KANK3: variants seen among roughly 807,000 people sequenced by gnomAD.
KANK3 encodes KN motif and ankyrin repeat domains 3.
In KANK3, 61 loss-of-function variants were observed where a neutral mutation model predicts 65.4. That is an observed-to-expected ratio of 0.93 (90% CI 0.76 to 1.15). The LOEUF (loss-of-function observed/expected upper bound fraction) is 1.15, where lower values mean the gene tolerates loss of function less well. KANK3 is among the 50% of genes most tolerant of loss of function. KANK3 has a pLI of 0.00. For synonymous variants in KANK3, 586 were observed against 543.3 expected, an observed-to-expected ratio of 1.08 and a Z score of -1.09; for missense variants, 1,187 against 1,178.8, an observed-to-expected ratio of 1.01 and a Z score of -0.10.
At chr19:8,325,549 A>C (rs1473793917) in intron 7 of KANK3, among the ~76,000 whole-genome samples, 1 of 151,844 alleles carries the variant, frequency 6.6e-6, no homozygotes, top group African/African-American at 2.4e-5. Flanking sequence ...CTGGAATTAG[A>C]GGCATGAGCC....
chr19:8,332,906 G>A, intron 7 of KANK3, 108 bp downstream of exon 7: 1 of 781,706 alleles, frequency 1.3e-6, no homozygotes, highest in Non-Finnish European at 2.2e-6. Flanking sequence ...CCCTGTGCTG[G>A]ACAGCCATTC....
chr19:8,334,738 C>T lies in KANK3; in HGVS notation c.1089G>A (p.Glu363=). 2.0e-6 allele frequency: 3 copies of T among 1,529,340 alleles called. No individual in the cohort carries two copies. Among genetic ancestry groups the T allele is most frequent in the Non-Finnish European group, 2.6e-6 (3 of 1,145,056 alleles). The allele number at this position is 1,529,340 out of a possible 1,614,324, so 94.7% of individuals were successfully genotyped here. Residue 363 remains glutamate, a synonymous_variant, in exon 3 of 11, where the codon GAG becomes GAA. Transcript: ENST00000330915. The part of the protein sequence containing the change: ...RELELLRASL[E]HQRGVSELLR... ...GAAGCTCACTCACCCCGCGCTGGTG[C>T]TCCAGACTGGCGCGCAGCAGCTCTA...
In KANK3 at chr19:8,334,394, C is replaced by G; in HGVS notation, c.1353G>C (p.Lys451Asn). Residue 451 changes from lysine to asparagine, a missense_variant, in exon 4 of 11, where the codon AAG becomes AAC. Lys to Asn is a moderately conservative substitution (Grantham distance 94). Coordinates refer to ENST00000330915, the MANE Select transcript of KANK3 (RefSeq NM_198471.3). ...GTTGGGCACCAGGTGTGCCGTCTCTCTTCTTCATGATGGATTTGAGGATGC... is the reference window on the plus strand; with the variant it reads ...GTTGGGCACCAGGTGTGCCGTCTCTGTTCTTCATGATGGATTTGAGGATGC... ...PAGILKSIMK[K>N]RDGTPGAQPS... 1 of 1,614,080 alleles carries G rather than the reference C, an allele frequency of 6.2e-7. No individual in the cohort carries two copies. Among genetic ancestry groups the G allele is most frequent in the Non-Finnish European group, 8.5e-7 (1 of 1,180,016 alleles).
intron 7 of KANK3, among the ~76,000 whole-genome samples, chr19:8,330,229 G>A (rs2913951): frequency 0.7 from 106,331 of 152,006 alleles, 38,028 homozygotes; most frequent in African/African-American, 0.86. Context: ...GTTAGTGTAT[G>A]TGACAGCAAG....
chr19:8,322,703 C>A lies in KANK3; in HGVS notation c.*136G>T, dbSNP rs1970340086. The stretch of plus-strand genomic sequence containing the variant: ...GAGCCCCTTCCTGCCACAGTCACCC[C>A]AACTGAAATTGCCTTTCTCTTCGGC... On this transcript the variant is annotated 3_prime_UTR_variant, in exon 11 of 11. Transcript: ENST00000330915. The A allele has an allele frequency of 1.4e-5, 9 of 660,974 alleles. No individual in the cohort carries two copies. Among genetic ancestry groups the A allele is most frequent in the Non-Finnish European group, 2.6e-6 (1 of 382,960 alleles). 40.9% of individuals were successfully genotyped at this position (660,974 alleles called of 1,614,324 possible). A position where few individuals can be genotyped will look rare whatever the true frequency, so the allele number is the denominator to read the frequency against.
chr19:8,340,291 T>TATATATACACACACACAC (rs1472181365), intron 1 of KANK3, among the ~76,000 whole-genome samples: 4 of 92,870 alleles, frequency 4.3e-5, no homozygotes, highest in African/African-American at 1.8e-4. Context: ...TATATATATA[T>TATATATACACACACACAC]ACACACACAC....
At chr19:8,326,196 C>T (rs568034673) in intron 7 of KANK3, among the ~76,000 whole-genome samples, 3 of 151,138 alleles carry the variant, frequency 2.0e-5, no homozygotes, top group Admixed American at 6.6e-5. Context: ...TTTGAGAGGC[C>T]GAGGTGGTTG....
rs1317543104 is a variant in KANK3 at position 8,339,980 on chromosome 19, A to AAAAAG, written c.-28-2129_-28-2125dup. Among the ~76,000 whole-genome samples the AAAAAG allele has an allele frequency of 6.8e-3, 651 of 95,590 alleles. 8 individuals carry two copies. Among genetic ancestry groups the AAAAAG allele is most frequent in the Non-Finnish European group, 7.2e-3 (358 of 49,834 alleles). 62.7% of individuals were successfully genotyped at this position (95,590 alleles called of 152,430 possible). On this transcript the variant is annotated intron_variant, in intron 1 of 10. Transcript: ENST00000330915. ...CCTTGTCTCAAAAAAAAAAAAAAAA[A>AAAAAG]AAAAGAAAAGAAAAGAAAAGAAAAG...
rs1008563622 is a variant in KANK3 at position 8,334,820 on chromosome 19, G to A, written c.1007C>T (p.Ala336Val). 1.3e-6 allele frequency: 2 copies of A among 1,490,496 alleles called. No individual in the cohort carries two copies. The highest frequency in any genetic ancestry group is 1.5e-5 in the African/African-American group (1 of 68,084). The allele number at this position is 1,490,496 out of a possible 1,614,324, so 92.3% of individuals were successfully genotyped here. A position where few individuals can be genotyped will look rare whatever the true frequency, so the allele number is the denominator to read the frequency against. Residue 336 changes from alanine to valine, a missense_variant, in exon 3 of 11, where the codon GCG becomes GTG. By Grantham distance (64) the Ala-to-Val change is moderately conservative (BLOSUM62 0). Around this residue, in one of 3 missense-constraint regions of KANK3, gnomAD observed 1,078 missense variants for 1,038.2 expected, o/e 1.04. Transcript: ENST00000330915. ...GVEAAPETVE[A>V]DAWVTEALLG... ...CAGCGCCTCGGTCACCCACGCGTCC[G>A]CCTCCACGGTCTCGGGGGCAGCCTC...
intron 7 of KANK3, among the ~76,000 whole-genome samples, chr19:8,327,894 G>A (rs982671060): frequency 6.6e-6 from 1 of 152,190 alleles, no homozygotes; most frequent in African/African-American, 2.4e-5. Context: ...GAAATAACCA[G>A]AGTGGGGTCC....
intron 7 of KANK3, among the ~76,000 whole-genome samples, chr19:8,332,585 G>A (rs915264265): frequency 2.0e-5 from 3 of 151,548 alleles, no homozygotes; most frequent in South Asian, 2.1e-4. Flanking sequence ...TTGGGAGGCC[G>A]GGGCAGGCAG....
intron 1 of KANK3, among the ~76,000 whole-genome samples, chr19:8,341,250 A>G (rs1293776752): frequency 6.8e-6 from 1 of 147,502 alleles, no homozygotes; most frequent in Non-Finnish European, 1.5e-5. Flanking sequence ...TTTAGAGGCA[A>G]TGTCTCGCTC....
At chr19:8,325,190 C>T (rs1970404123) in intron 7 of KANK3, 94 bp from the exon 8 acceptor site, 3 of 1,377,056 alleles carry the variant, frequency 2.2e-6, no homozygotes, top group Non-Finnish European at 2.9e-6. Flanking sequence ...ACAGCACCTG[C>T]ATATGGGGTG....
chr19:8,335,405 A>T lies in KANK3; in HGVS notation c.422T>A (p.Leu141Gln), dbSNP rs1256625954. 1 of 1,202,832 alleles carries T rather than the reference A, an allele frequency of 8.3e-7. No individual in the cohort carries two copies. Among genetic ancestry groups the T allele is most frequent in the Non-Finnish European group, 1.0e-6 (1 of 969,400 alleles). 74.5% of individuals were successfully genotyped at this position (1,202,832 alleles called of 1,614,324 possible). ...EHTLRETSRRLELAQTHERAP... is the reference protein window; with the variant it reads ...EHTLRETSRRQELAQTHERAP... ...GCGCTCGTGTGTCTGCGCCAGCTCC[A>T]GCCGCCGGCTGGTCTCCCGGAGCGT... is the stretch of plus-strand genomic sequence containing the variant. The change falls in exon 3 of 11, where the codon CTG becomes CAG. Residue 141 changes from leucine to glutamine, a missense_variant. By Grantham distance (113) the Leu-to-Gln change is moderately radical. Transcript: ENST00000330915.
In KANK3 at chr19:8,334,135, G is replaced by T. The variant is rs960238449; in HGVS notation, c.1428-19C>A. ...CTCGTACCTGGGGGCAGGGTGGGAG[G>T]TGTCTGCTAAACCTCCCCTGTGGGC... On this transcript the variant is annotated intron_variant, in intron 4 of 10. Coordinates refer to ENST00000330915, the MANE Select transcript of KANK3 (RefSeq NM_198471.3). The T allele has an allele frequency of 6.7e-7, 1 of 1,501,798 alleles. No homozygotes were observed. The highest frequency in any genetic ancestry group is 1.3e-5 in the South Asian group (1 of 79,392). The allele number at this position is 1,501,798 out of a possible 1,614,324, so 93.0% of individuals were successfully genotyped here. A position where few individuals can be genotyped will look rare whatever the true frequency, so the allele number is the denominator to read the frequency against.
At chr19:8,343,016 C>G (rs1010659928) in intron 1 of KANK3, among the ~76,000 whole-genome samples, 2 of 152,208 alleles carry the variant, frequency 1.3e-5, no homozygotes, top group African/African-American at 4.8e-5. Flanking sequence ...GGCAAGCCCA[C>G]GCCTCCAGAG....
intron 7 of KANK3, among the ~76,000 whole-genome samples, chr19:8,332,150 C>T (rs3111568): frequency 2.0e-5 from 3 of 151,510 alleles, no homozygotes; most frequent in African/African-American, 7.3e-5. Flanking sequence ...CCCACCACCA[C>T]GCCCAGCTAG....
In KANK3 at chr19:8,336,739, CA is replaced by C. The variant is rs576688863; in HGVS notation, c.35-948del. ...TGGGTGACAGAGTGAGACCCTGTCT[CA>C]AAAAAAAAAAAAAAAAGGTTGGCGA... On this transcript the variant is annotated intron_variant, in intron 2 of 10. Coordinates refer to ENST00000330915, the MANE Select transcript of KANK3 (RefSeq NM_198471.3). 4.6e-3 allele frequency among the ~76,000 whole-genome samples: 494 copies of C among 107,436 alleles called. 8 individuals carry two copies. The highest frequency in any genetic ancestry group is 0.014 in the East Asian group (49 of 3,432). The allele number at this position is 107,436 out of a possible 152,430, so 70.5% of individuals were successfully genotyped here. A position where few individuals can be genotyped will look rare whatever the true frequency, so the allele number is the denominator to read the frequency against.
rs1970564779 is a variant in KANK3, at chr19:8,333,341, A to G, written c.1720-111T>C. 1.2e-6 allele frequency: 1 copy of G among 856,030 alleles called. No individual in the cohort carries two copies. The highest frequency in any genetic ancestry group is 1.8e-6 in the Non-Finnish European group (1 of 563,002). The allele number at this position is 856,030 out of a possible 1,614,324, so 53.0% of individuals were successfully genotyped here. A position where few individuals can be genotyped will look rare whatever the true frequency, so the allele number is the denominator to read the frequency against. On this transcript the variant is annotated intron_variant, in intron 6 of 10. Coordinates refer to ENST00000330915, the MANE Select transcript of KANK3 (RefSeq NM_198471.3). The surrounding 1 kb of genome is among the most constrained non-coding windows in gnomAD (Gnocchi z 5.0). ...AGAGACCCATTTGGCGTTTCCAGGC[A>G]AGTAAGGAAGGTCACTCCTCGTCCA...
Sources: allele counts gnomAD v4.1 joint callset (sites outside exome capture counted in the v4.1 genomes callset), GRCh38; gene constraint gnomAD v4.1.1; regional missense constraint gnomAD v4.1.1; non-coding constraint Gnocchi (gnomAD v3.1); transcripts MANE v1.5; gene names NCBI Gene and HGNC (gene_info 2026-07-23, HGNC 2026-07-21).